Variants in NAV3 observed in about 807,000 individuals in gnomAD.
NAV3 encodes the protein neuron navigator 3.
A neutral mutation model predicts 244.7 loss-of-function variants in NAV3; 87 were observed. The ratio of observed to expected loss-of-function variants is 0.36; its 90% CI spans 0.30 to 0.42. The LOEUF (loss-of-function observed/expected upper bound fraction) is 0.42, where lower values mean the gene tolerates loss of function less well. Ranked by LOEUF, NAV3 falls within the 20% of genes least tolerant of loss-of-function variation. The pLI is 1.00. For synonymous variants in NAV3, 1,126 were observed against 1,042.2 expected, an observed-to-expected ratio of 1.08 and a Z score of -1.55; for missense variants, 2,663 against 2,893.3, an observed-to-expected ratio of 0.92 and a Z score of 1.83.
chr12:77,678,458 A>AC (rs1440029237), intron 2 of NAV3, among the ~76,000 whole-genome samples: 1 of 152,156 alleles, frequency 6.6e-6, no homozygotes, highest in Non-Finnish European at 1.5e-5. Context: ...ATTAAGCATA[A>AC]TTTTTTATTA....
At chr12:77,809,414 G>C (rs1167026521) in intron 2 of NAV3, among the ~76,000 whole-genome samples, 1 of 152,178 alleles carries the variant, frequency 6.6e-6, no homozygotes, top group Non-Finnish European at 1.5e-5. Flanking sequence ...GCTTCCCTTG[G>C]CTAGGGGAGG....
intron 1 of NAV3, among the ~76,000 whole-genome samples, chr12:77,904,453 A>C (rs1391455394): frequency 6.6e-6 from 1 of 152,112 alleles, no homozygotes. Context: ...ATGAGAACAC[A>C]TGGACACAGG....
chr12:78,169,046 A>G lies in NAV3; in HGVS notation c.4981+180A>G, dbSNP rs75318734. On this transcript the variant is annotated intron_variant, in intron 24 of 39. Transcript: ENST00000397909. Reference sequence around the variant, plus strand: ...TACATACTACGTTGGTATTAATGTGATCAGAATCCTAGAATTTTAGAACAG... The same window carrying G: ...TACATACTACGTTGGTATTAATGTGGTCAGAATCCTAGAATTTTAGAACAG... Among the ~76,000 whole-genome samples, 6,943 of 151,802 alleles carry G rather than the reference A, an allele frequency of 0.046. 194 individuals are homozygous for G. Among genetic ancestry groups the G allele is most frequent in the Non-Finnish European group, 0.072 (4,852 of 67,780 alleles).
intron 5 of NAV3, among the ~76,000 whole-genome samples, chr12:77,976,670 T>TTTCTTTC (rs1565979446): frequency 1.5e-5 from 1 of 64,920 alleles, no homozygotes; most frequent in African/African-American, 7.1e-5. Flanking sequence ...TTCTTTCTTT[T>TTTCTTTC]TTTCTTTTTT....
At chr12:77,635,563 T>C (rs931225853) in intron 2 of NAV3, among the ~76,000 whole-genome samples, 1 of 152,202 alleles carries the variant, frequency 6.6e-6, no homozygotes, top group Non-Finnish European at 1.5e-5. Flanking sequence ...TGTTTTCAGA[T>C]GTCTTAAGTC....
chr12:77,741,167 G>GAAAAAAAAAAAAAAAAA (rs1868327621), intron 2 of NAV3, among the ~76,000 whole-genome samples: 4 of 76,074 alleles, frequency 5.3e-5, no homozygotes, highest in South Asian at 4.6e-4. Flanking sequence ...AAAAAAAAAA[G>GAAAAAAAAAAAAAAAAA]AAAAGAAAGA....
intron 9 of NAV3, among the ~76,000 whole-genome samples, chr12:78,033,213 T>G (rs1879283586): frequency 6.6e-6 from 1 of 151,774 alleles, no homozygotes; most frequent in African/African-American, 2.4e-5. Flanking sequence ...ATTTACAATC[T>G]CTGTAAATGA....
At chr12:78,032,769 T>C (rs1195127756) in intron 9 of NAV3, among the ~76,000 whole-genome samples, 1 of 152,220 alleles carries the variant, frequency 6.6e-6, no homozygotes, top group African/African-American at 2.4e-5. Context: ...CTCACATTCA[T>C]TGACAGAAAG....
chr12:77,709,378 T>A (rs1875994441), intron 2 of NAV3, among the ~76,000 whole-genome samples: 1 of 152,186 alleles, frequency 6.6e-6, no homozygotes, highest in African/African-American at 2.4e-5. Flanking sequence ...AAGCATTCCC[T>A]TTGAAAACTG....
intron 16 of NAV3, 74 bp downstream of exon 16, chr12:78,122,502 A>C: frequency 2.7e-6 from 4 of 1,481,932 alleles, no homozygotes; most frequent in Non-Finnish European, 3.6e-6. Flanking sequence ...ACCCCATTAA[A>C]TTCCCTTGAT....
At position 78,006,912 on chromosome 12, in the gene NAV3, TAAA is replaced by T. The variant is rs1357893028; in HGVS notation, c.1377_1379del (p.Lys460del). 1 of 1,613,556 alleles carries T rather than the reference TAAA, an allele frequency of 6.2e-7. No homozygotes were observed. The highest frequency in any genetic ancestry group is 8.5e-7 in the Non-Finnish European group (1 of 1,179,952). ...AAGCTGGAAGCAAAAATCTCAGCAATAAAAAGTCTTTGCTACAGCCAAAGGAAA... is the reference window on the plus strand; with the variant it reads ...AAGCTGGAAGCAAAAATCTCAGCAATAAGTCTTTGCTACAGCCAAAGGAAA... On this transcript the variant is annotated inframe_deletion, in exon 8 of 40. Coordinates refer to ENST00000397909, the MANE Select transcript of NAV3 (RefSeq NM_001024383.2).
At chr12:77,787,847 T>G (rs1285198291) in intron 2 of NAV3, among the ~76,000 whole-genome samples, 4 of 152,208 alleles carry the variant, frequency 2.6e-5, no homozygotes, top group African/African-American at 9.7e-5. Context: ...AATCTGTAAA[T>G]ATGTACATTT....
chr12:77,727,331 A>G (rs1876922831), intron 2 of NAV3, among the ~76,000 whole-genome samples: 2 of 151,890 alleles, frequency 1.3e-5, no homozygotes, highest in African/African-American at 4.8e-5. Context: ...CTGGAGCTTT[A>G]TCTGTGGAAG....
At chr12:77,720,268 G>T (rs765590961) in intron 2 of NAV3, among the ~76,000 whole-genome samples, 14 of 148,570 alleles carry the variant, frequency 9.4e-5, no homozygotes, top group Non-Finnish European at 1.8e-4. Flanking sequence ...TTTCTATTAC[G>T]ATCTACACAT....
intron 11 of NAV3, among the ~76,000 whole-genome samples, chr12:78,054,946 A>G (rs1225043829): frequency 6.6e-6 from 1 of 152,176 alleles, no homozygotes; most frequent in Non-Finnish European, 1.5e-5. Context: ...TCATCTCAAT[A>G]AAAGAGAGCA....
intron 2 of NAV3, among the ~76,000 whole-genome samples, chr12:77,818,086 G>A (rs1255767087): frequency 6.6e-6 from 1 of 151,990 alleles, no homozygotes; most frequent in African/African-American, 2.4e-5. Context: ...TGGGATAGGT[G>A]GAAGAGAGGA....
chr12:77,994,707 GC>G (rs1872058251), intron 5 of NAV3, 95 bp from the exon 6 acceptor site: 1 of 912,324 alleles, frequency 1.1e-6, no homozygotes, highest in African/African-American at 1.7e-5. Context: ...TGTTCCAATT[GC>G]ATTTCATTAA....
chr12:77,587,126 A>G (rs527513178), intron 2 of NAV3, among the ~76,000 whole-genome samples: 132 of 152,316 alleles, frequency 8.7e-4, no homozygotes, highest in African/African-American at 2.9e-3. Flanking sequence ...TGCATCATCT[A>G]TGTAAAAAAT....
chr12:78,035,137 C>T (rs916218776), intron 9 of NAV3, among the ~76,000 whole-genome samples: 1 of 152,082 alleles, frequency 6.6e-6, no homozygotes, highest in Non-Finnish European at 1.5e-5. Flanking sequence ...AAGTTATAGG[C>T]AATGCATATT....
Sources: gnomAD v4.1 joint callset for allele counts (sites outside exome capture counted in the v4.1 genomes callset) on GRCh38, gnomAD v4.1.1 for gene constraint, MANE v1.5 for transcripts, NCBI Gene and HGNC (gene_info 2026-07-23, HGNC 2026-07-21) for gene names.